RPS6KC1: variants seen among roughly 807,000 people sequenced by gnomAD.
The protein encoded by RPS6KC1 is ribosomal protein S6 kinase C1.
In RPS6KC1, 54 loss-of-function variants were observed where a neutral mutation model predicts 103.8. That is an observed-to-expected ratio of 0.52 (90% CI 0.42 to 0.65). RPS6KC1 has a LOEUF of 0.65. RPS6KC1 is among the 30% of genes least tolerant of loss of function. The pLI, the probability that RPS6KC1 is intolerant of heterozygous loss-of-function variation, is 0.00. For synonymous variants in RPS6KC1, 439 were observed against 438.7 expected, an observed-to-expected ratio of 1.00 and a Z score of -0.01; for missense variants, 1,151 against 1,253.8, an observed-to-expected ratio of 0.92 and a Z score of 1.24.
At chr1:213,424,439 C>T in the RPS6KC1 span, among the ~76,000 whole-genome samples, 3 of 152,332 alleles carry the variant, frequency 2.0e-5, no homozygotes, top group East Asian at 3.9e-4. Context: ...AGAAGCGTTT[C>T]GAGAGCTCTT....
chr1:213,509,192 T>G, the RPS6KC1 span, among the ~76,000 whole-genome samples: 1 of 152,174 alleles, frequency 6.6e-6, no homozygotes, highest in Non-Finnish European at 1.5e-5. Context: ...AGCCAGTACA[T>G]ACGATCACCC....
intron 2 of RPS6KC1, among the ~76,000 whole-genome samples, chr1:213,075,663 T>G (rs770555648): frequency 2.0e-5 from 3 of 152,220 alleles, no homozygotes; most frequent in Non-Finnish European, 4.4e-5. Flanking sequence ...GCACCACCAT[T>G]CTGTAGCAAA....
At chr1:213,726,276 G>C in the RPS6KC1 span, among the ~76,000 whole-genome samples, 1 of 152,114 alleles carries the variant, frequency 6.6e-6, no homozygotes, top group African/African-American at 2.4e-5. Context: ...TGGAGAGAGG[G>C]GTTGCCCAGG....
the RPS6KC1 span, among the ~76,000 whole-genome samples, chr1:213,617,600 A>C: frequency 1.3e-5 from 2 of 152,210 alleles, no homozygotes; most frequent in African/African-American, 4.8e-5. Context: ...AATCCATGAA[A>C]GGAGGATTTT....
At chr1:213,080,510 G>T (rs1416704661) in intron 3 of RPS6KC1, among the ~76,000 whole-genome samples, 1 of 152,032 alleles carries the variant, frequency 6.6e-6, no homozygotes, top group African/African-American at 2.4e-5. Context: ...CTCTTTAATA[G>T]TCATAATTAA....
chr1:213,487,830 A>T, the RPS6KC1 span, among the ~76,000 whole-genome samples: 2 of 152,158 alleles, frequency 1.3e-5, no homozygotes, highest in Non-Finnish European at 2.9e-5. Context: ...ATGTGGTAAG[A>T]ATATGATGTT....
the RPS6KC1 span, among the ~76,000 whole-genome samples, chr1:213,336,835 A>C: frequency 6.6e-6 from 1 of 151,962 alleles, no homozygotes; most frequent in Non-Finnish European, 1.5e-5. Flanking sequence ...TTTTTCATAC[A>C]CCTATTTAGA....
At chr1:213,454,401 A>G in the RPS6KC1 span, among the ~76,000 whole-genome samples, 1 of 152,368 alleles carries the variant, frequency 6.6e-6, no homozygotes, top group African/African-American at 2.4e-5. Flanking sequence ...TGTGTTCAAA[A>G]TAAGGGAGTT....
the RPS6KC1 span, among the ~76,000 whole-genome samples, chr1:213,649,477 G>A: frequency 6.6e-6 from 1 of 151,974 alleles, no homozygotes; most frequent in African/African-American, 2.4e-5. Flanking sequence ...TCTCAGAAGC[G>A]GCTGTGCAGT....
At chr1:213,310,543 C>T in the RPS6KC1 span, among the ~76,000 whole-genome samples, 1 of 152,308 alleles carries the variant, frequency 6.6e-6, no homozygotes, top group South Asian at 2.1e-4. Flanking sequence ...CCTACCCCAT[C>T]ACCCTTTTCT....
the RPS6KC1 span, among the ~76,000 whole-genome samples, chr1:213,722,773 A>G: frequency 6.6e-6 from 1 of 152,288 alleles, no homozygotes; most frequent in Non-Finnish European, 1.5e-5. Flanking sequence ...TCCGCAGAGG[A>G]GTCCGACTGT....
the RPS6KC1 span, among the ~76,000 whole-genome samples, chr1:213,334,962 T>A: frequency 6.6e-6 from 1 of 152,238 alleles, no homozygotes; most frequent in Non-Finnish European, 1.5e-5. Context: ...GGTATTGCTG[T>A]GACAGAGATA....
At chr1:213,665,397 C>T in the RPS6KC1 span, among the ~76,000 whole-genome samples, 2 of 151,820 alleles carry the variant, frequency 1.3e-5, no homozygotes, top group Non-Finnish European at 1.5e-5. Context: ...CACATAAACA[C>T]ACACGAACAC....
chr1:213,620,281 A>G, the RPS6KC1 span, among the ~76,000 whole-genome samples: 2 of 152,192 alleles, frequency 1.3e-5, no homozygotes, highest in African/African-American at 4.8e-5. Context: ...GGGTCACTCA[A>G]TGTTATCCAG....
chr1:213,402,050 G>A, the RPS6KC1 span, among the ~76,000 whole-genome samples: 2 of 152,144 alleles, frequency 1.3e-5, no homozygotes, highest in Non-Finnish European at 2.9e-5. Flanking sequence ...GATTTCAGGT[G>A]TAGGCCACCA....
intron 3 of RPS6KC1, among the ~76,000 whole-genome samples, chr1:213,098,405 G>C (rs1020093999): frequency 3.3e-5 from 5 of 151,476 alleles, no homozygotes; most frequent in Middle Eastern, 3.2e-3. Flanking sequence ...GCCTCTGAGA[G>C]TATTGGGATT....
the RPS6KC1 span, among the ~76,000 whole-genome samples, chr1:213,367,333 A>G: frequency 1.4e-4 from 22 of 152,224 alleles, no homozygotes; most frequent in Non-Finnish European, 7.3e-5. Flanking sequence ...AGTCATGGCT[A>G]CCCCATCCTG....
the RPS6KC1 span, among the ~76,000 whole-genome samples, chr1:213,416,569 C>G: frequency 6.6e-6 from 1 of 152,246 alleles, no homozygotes; most frequent in African/African-American, 2.4e-5. Context: ...GGCTGTGAGT[C>G]CAGATTCACC....
chr1:213,536,283 C>G, the RPS6KC1 span, among the ~76,000 whole-genome samples: 1 of 152,106 alleles, frequency 6.6e-6, no homozygotes, highest in African/African-American at 2.4e-5. Context: ...ATAACAGCTC[C>G]CCTTTTGAAG....
Sources: allele counts gnomAD v4.1 joint callset (sites outside exome capture counted in the v4.1 genomes callset), GRCh38; gene constraint gnomAD v4.1.1; transcripts MANE v1.5; gene names NCBI Gene and HGNC (gene_info 2026-07-23, HGNC 2026-07-21).